FSD1L: variants seen among roughly 807,000 people sequenced by gnomAD.
FSD1L encodes the protein fibronectin type III and SPRY domain containing 1 like.
FSD1L carries 45 observed loss-of-function variants against 71.6 expected under a neutral mutation model. That is an observed-to-expected ratio of 0.63 (90% CI 0.49 to 0.81). The LOEUF is 0.81. FSD1L is among the 30% of genes least tolerant of loss of function. FSD1L has a pLI of 0.00. For synonymous variants in FSD1L, 197 were observed against 207.2 expected (o/e 0.95, Z 0.42); for missense variants, 561 against 618.1 (o/e 0.91, Z 0.98).
At chr9:105,518,813 G>A (rs188571506) in intron 10 of FSD1L, among the ~76,000 whole-genome samples, 81 of 152,242 alleles carry the variant, frequency 5.3e-4, no homozygotes, top group African/African-American at 1.9e-3. Flanking sequence ...ACTAAGATCA[G>A]AGCAGAACTG....
At chr9:105,524,844 A>G in intron 10 of FSD1L, 1 of 1,592,244 alleles carries the variant, frequency 6.3e-7, no homozygotes. Context: ...TATGCTAACA[A>G]GTCAGGTGTG....
intron 10 of FSD1L, among the ~76,000 whole-genome samples, chr9:105,533,436 T>TTTTTTTTTTTTTTTG (rs1372707177): frequency 7.9e-6 from 1 of 125,840 alleles, no homozygotes; most frequent in Non-Finnish European, 1.7e-5. Context: ...TTTTTTTTTT[T>TTTTTTTTTTTTTTTG]TTTTGAGATG....
chr9:105,523,383 T>C, intron 10 of FSD1L: 1 of 1,604,794 alleles, frequency 6.2e-7, no homozygotes, highest in Admixed American at 1.7e-5. Flanking sequence ...TCCATCAGAA[T>C]GTTGTAGTGT....
intron 4 of FSD1L, among the ~76,000 whole-genome samples, chr9:105,469,975 T>G (rs945793937): frequency 1.3e-5 from 2 of 152,172 alleles, no homozygotes; most frequent in Non-Finnish European, 2.9e-5. Flanking sequence ...TTTTTTTGCT[T>G]GTGGATATTC....
intron 10 of FSD1L, among the ~76,000 whole-genome samples, chr9:105,518,707 C>G (rs1834899906): frequency 6.6e-6 from 1 of 152,078 alleles, no homozygotes; most frequent in South Asian, 2.1e-4. Flanking sequence ...CAAGAGAAAG[C>G]AGGAAAGATC....
Position 105,546,455 on chromosome 9 carries a change from G to A in FSD1L, c.1565G>A (p.Ser522Asn), listed in dbSNP as rs1564159601. The A allele has an allele frequency of 6.5e-7, 1 of 1,549,696 alleles. No homozygotes were observed. The change falls in exon 14 of 14, where the codon AGC (serine) becomes AAC (asparagine). Residue 522 changes from serine to asparagine, a missense_variant. Ser to Asn is a conservative substitution (Grantham distance 46, BLOSUM62 1). This residue lies in a region of FSD1L where 98 missense variants were observed against 102.3 expected (regional missense o/e 0.96). Transcript: ENST00000481272. The stretch of plus-strand genomic sequence containing the variant: ...GAAAATGGAATGACTGGTTCAGCTA[G>A]CAGCCTGAACAATGTTGTTACTCAA... ...KSENGMTGSA[S>N]SLNNVVTQ
At chr9:105,468,148 T>G in intron 3 of FSD1L, 45 bp from the exon 4 acceptor site, 1 of 1,315,446 alleles carries the variant, frequency 7.6e-7, no homozygotes, top group South Asian at 2.4e-5. Context: ...TTTTAAATGT[T>G]TGATAGCGCT....
chr9:105,510,151 A>G (rs1263367993), intron 9 of FSD1L, among the ~76,000 whole-genome samples: 2 of 152,142 alleles, frequency 1.3e-5, no homozygotes, highest in Non-Finnish European at 2.9e-5. Context: ...CAGTGATTGG[A>G]TGTTACTGGT....
chr9:105,524,617 A>C, intron 10 of FSD1L: 1 of 1,613,898 alleles, frequency 6.2e-7, no homozygotes, highest in South Asian at 1.1e-5. Context: ...AGCCTCTCTG[A>C]TTTGGCATCT....
At chr9:105,480,492 AT>A (rs1473028520) in intron 6 of FSD1L, among the ~76,000 whole-genome samples, 1 of 152,038 alleles carries the variant, frequency 6.6e-6, no homozygotes, top group Non-Finnish European at 1.5e-5. Flanking sequence ...GGGTCTTGCT[AT>A]TTTGCCCAGG....
intron 5 of FSD1L, among the ~76,000 whole-genome samples, chr9:105,473,655 C>T (rs983023971): frequency 1.3e-5 from 2 of 152,128 alleles, no homozygotes; most frequent in Non-Finnish European, 2.9e-5. Context: ...AGGAAGAAGA[C>T]AGGAAAACTA....
At chr9:105,492,638 G>T (rs369824744) in intron 7 of FSD1L, among the ~76,000 whole-genome samples, 2 of 152,120 alleles carry the variant, frequency 1.3e-5, no homozygotes, top group South Asian at 2.1e-4. Context: ...TGGGCATTTA[G>T]TGTTATAAAT....
At chr9:105,492,152 A>G (rs1589001853) in intron 7 of FSD1L, among the ~76,000 whole-genome samples, 2 of 152,076 alleles carry the variant, frequency 1.3e-5, no homozygotes, top group East Asian at 3.8e-4. Context: ...TTGGTAAGCT[A>G]TTGATTATTG....
chr9:105,496,513 TTCTA>T (rs2131317618), intron 7 of FSD1L, among the ~76,000 whole-genome samples: 2 of 152,368 alleles, frequency 1.3e-5, no homozygotes, highest in East Asian at 3.9e-4. Context: ...CATTGAGTAT[TTCTA>T]TCCATAAACA....
intron 1 of FSD1L, among the ~76,000 whole-genome samples, chr9:105,460,182 A>G (rs2131596829): frequency 6.6e-6 from 1 of 152,342 alleles, no homozygotes; most frequent in Non-Finnish European, 1.5e-5. Context: ...CACAGATTGT[A>G]GAGTTTCTTT....
At chr9:105,468,444 T>C in intron 4 of FSD1L, 120 bp downstream of exon 4, 1 of 726,516 alleles carries the variant, frequency 1.4e-6, no homozygotes, top group East Asian at 3.5e-5. Flanking sequence ...AGAAGAATGG[T>C]TTTTTGTTTT....
At chr9:105,466,161 A>G (rs967946020) in intron 3 of FSD1L, among the ~76,000 whole-genome samples, 6 of 152,228 alleles carry the variant, frequency 3.9e-5, no homozygotes, top group African/African-American at 1.4e-4. Flanking sequence ...AGCATAAAAA[A>G]ATAGGAATAA....
chr9:105,478,240 G>C (rs1035721501), intron 5 of FSD1L, among the ~76,000 whole-genome samples: 3 of 152,068 alleles, frequency 2.0e-5, no homozygotes, highest in African/African-American at 7.2e-5. Context: ...ACAAGACTCT[G>C]TCTCAAAAAG....
intron 1 of FSD1L, among the ~76,000 whole-genome samples, chr9:105,448,938 C>T (rs1564069971): frequency 6.6e-6 from 1 of 152,160 alleles, no homozygotes; most frequent in Non-Finnish European, 1.5e-5. Flanking sequence ...AGGTTCAATT[C>T]AGAAGTATTT....
Sources: allele counts gnomAD v4.1 joint callset (sites outside exome capture counted in the v4.1 genomes callset), GRCh38; gene constraint gnomAD v4.1.1; regional missense constraint gnomAD v4.1.1; transcripts MANE v1.5; gene names NCBI Gene and HGNC (gene_info 2026-07-23, HGNC 2026-07-21).